The following SLC27A6 variants were observed in gnomAD, a reference collection of about 807,000 sequenced individuals.
SLC27A6 encodes long-chain fatty acid transport protein 6.
Under a neutral mutation model 63.9 loss-of-function variants are expected in SLC27A6, and 74 were observed. The observed-to-expected ratio is 1.16, with a 90% CI of 0.96 to 1.40. The LOEUF is 1.40. Among genes scored for constraint, SLC27A6 ranks in the 40% most tolerant of loss-of-function variants. The probability of loss-of-function intolerance (pLI) is 0.00; values close to 1 mark genes in which losing one functional copy is unlikely to be tolerated. For missense variants in SLC27A6, 794 were observed against 732.9 expected, an observed-to-expected ratio of 1.08 and a Z score of -0.96; for synonymous variants, 287 against 260.8, an observed-to-expected ratio of 1.10 and a Z score of -0.97.
rs1251771241 is a variant in SLC27A6 at position 129,006,191 on chromosome 5, G to A, written c.970-9694G>A. On this transcript the variant is annotated intron_variant, in intron 4 of 9. Transcript: ENST00000262462. The stretch of plus-strand genomic sequence containing the variant: ...CCTCCTCCGTTCACGCCATTCTCCC[G>A]CCTCAGCCTCCCGAGTAGCTGGCAC... 6.2e-5 allele frequency among the ~76,000 whole-genome samples: 9 copies of A among 145,582 alleles called. 1 individual carries two copies. Among genetic ancestry groups the A allele is most frequent in the East Asian group, 2.1e-4 (1 of 4,754 alleles).
In SLC27A6 at chr5:128,977,882, C is replaced by T. The variant is rs150295382; in HGVS notation, c.482-7251C>T. Among the ~76,000 whole-genome samples the T allele has an allele frequency of 3.6e-3, 548 of 152,026 alleles. 2 individuals carry two copies. Among genetic ancestry groups the T allele is most frequent in the African/African-American group, 9.9e-3 (411 of 41,464 alleles). Reference sequence around the variant, plus strand: ...CAAATTTTAAATGATATAAAAGCACCCCAACATTGTTCTGTTTGTTTTAAG... The same window carrying T: ...CAAATTTTAAATGATATAAAAGCACTCCAACATTGTTCTGTTTGTTTTAAG... On this transcript the variant is annotated intron_variant, in intron 1 of 9. Transcript: ENST00000262462.
intron 4 of SLC27A6, among the ~76,000 whole-genome samples, chr5:128,997,997 A>T (rs1381057802): frequency 6.6e-6 from 1 of 151,944 alleles, no homozygotes; most frequent in Non-Finnish European, 1.5e-5. Context: ...AACAAAATGT[A>T]GGTTGAATGC....
At chr5:128,975,826 C>T (rs1750357584) in intron 1 of SLC27A6, among the ~76,000 whole-genome samples, 1 of 152,120 alleles carries the variant, frequency 6.6e-6, no homozygotes, top group Non-Finnish European at 1.5e-5. Flanking sequence ...GCATCATTCC[C>T]TTTCAGTAAA....
At chr5:129,014,310 G>C (rs1313142306) in intron 4 of SLC27A6, among the ~76,000 whole-genome samples, 1 of 152,170 alleles carries the variant, frequency 6.6e-6, no homozygotes, top group East Asian at 1.9e-4. Flanking sequence ...AAAAGGAAAG[G>C]CTGGGGTTTT....
At chr5:128,983,564 G>A (rs568716100) in intron 1 of SLC27A6, among the ~76,000 whole-genome samples, 1 of 152,138 alleles carries the variant, frequency 6.6e-6, no homozygotes, top group East Asian at 1.9e-4. Flanking sequence ...CAAAGTGCTG[G>A]AATTACAGGC....
chr5:128,990,466 T>C lies in SLC27A6; in HGVS notation c.969+2T>C. On this transcript the variant is annotated splice_donor_variant, in intron 4 of 9. Coordinates refer to ENST00000262462, the MANE Select transcript of SLC27A6 (RefSeq NM_001017372.3). LOFTEE classifies it high-confidence loss of function. ...CGCTACCTTTGCAAACAATCTAAGGTAGGCGTAATCATTATCAGAAAAAAA... is the reference window on the plus strand; with the variant it reads ...CGCTACCTTTGCAAACAATCTAAGGCAGGCGTAATCATTATCAGAAAAAAA... 1 of 1,605,524 alleles carries C rather than the reference T, an allele frequency of 6.2e-7. No homozygotes were observed. Among genetic ancestry groups the C allele is most frequent in the African/African-American group, 1.4e-5 (1 of 73,878 alleles).
At chr5:129,002,718 A>G (rs1298281656) in intron 4 of SLC27A6, among the ~76,000 whole-genome samples, 1 of 152,208 alleles carries the variant, frequency 6.6e-6, no homozygotes, top group Non-Finnish European at 1.5e-5. Flanking sequence ...ATGAGTTCAA[A>G]TTATCTCTGT....
At chr5:129,024,881 A>G (rs948834892) in intron 6 of SLC27A6, among the ~76,000 whole-genome samples, 1 of 152,188 alleles carries the variant, frequency 6.6e-6, no homozygotes, top group Non-Finnish European at 1.5e-5. Context: ...CTAAAATAAA[A>G]AATGCAAACT....
chr5:128,967,807 A>G (rs978360999), intron 1 of SLC27A6, among the ~76,000 whole-genome samples: 2 of 152,148 alleles, frequency 1.3e-5, no homozygotes, highest in Admixed American at 6.5e-5. Context: ...ACATGTGCAC[A>G]AAGTGCAGGT....
chr5:128,977,164 G>A (rs146635603), intron 1 of SLC27A6, among the ~76,000 whole-genome samples: 1 of 152,330 alleles, frequency 6.6e-6, no homozygotes, highest in Non-Finnish European at 1.5e-5. Flanking sequence ...GTGTATCATA[G>A]TTTTTATTAT....
At chr5:128,992,469 G>A (rs1171487363) in intron 4 of SLC27A6, among the ~76,000 whole-genome samples, 1 of 152,104 alleles carries the variant, frequency 6.6e-6, no homozygotes, top group East Asian at 1.9e-4. Context: ...ACCTCCAGTC[G>A]AGCTTCTGAC....
At chr5:129,008,240 A>G (rs969601035) in intron 4 of SLC27A6, among the ~76,000 whole-genome samples, 1 of 152,100 alleles carries the variant, frequency 6.6e-6, no homozygotes, top group Non-Finnish European at 1.5e-5. Flanking sequence ...GGAAAGAAAA[A>G]TTTTTTAAAA....
chr5:128,997,044 T>G (rs953365540), intron 4 of SLC27A6, among the ~76,000 whole-genome samples: 2 of 152,152 alleles, frequency 1.3e-5, no homozygotes, highest in African/African-American at 4.8e-5. Context: ...TCTACATAAC[T>G]TCAAGTGTTT....
intron 5 of SLC27A6, among the ~76,000 whole-genome samples, chr5:129,020,282 A>G (rs1249832743): frequency 6.6e-6 from 1 of 152,202 alleles, no homozygotes; most frequent in African/African-American, 2.4e-5. Context: ...TAGGAATGCA[A>G]TATTTCTTTG....
chr5:128,965,963 G>T lies in SLC27A6; in HGVS notation c.-175G>T. The T allele has an allele frequency of 1.5e-6, 1 of 672,710 alleles. No homozygotes were observed. Among genetic ancestry groups the T allele is most frequent in the East Asian group, 3.0e-5 (1 of 33,030 alleles). 41.7% of individuals were successfully genotyped at this position (672,710 alleles called of 1,614,324 possible). ...GGCGACCTTTTCGGTGCAAACCTAC[G>T]ATTCTGTTTCTCAGGATTCCTCCCC... On this transcript the variant is annotated 5_prime_UTR_variant, in exon 1 of 10. Transcript: ENST00000262462.
chr5:129,010,966 G>T (rs1278534832), intron 4 of SLC27A6, among the ~76,000 whole-genome samples: 5 of 152,108 alleles, frequency 3.3e-5, no homozygotes, highest in Non-Finnish European at 7.4e-5. Flanking sequence ...CTAGGTTTAT[G>T]GAAATTTGTA....
intron 4 of SLC27A6, among the ~76,000 whole-genome samples, chr5:129,002,466 C>CTCTTGTTCCTTCCG (rs1751372645): frequency 1.4e-5 from 2 of 146,782 alleles, no homozygotes; most frequent in African/African-American, 5.5e-5. Flanking sequence ...TGTTCCTTCC[C>CTCTTGTTCCTTCCG]TCTCTTGTTC....
intron 4 of SLC27A6, among the ~76,000 whole-genome samples, chr5:128,994,641 G>A (rs1181676780): frequency 6.6e-6 from 1 of 152,186 alleles, no homozygotes; most frequent in Non-Finnish European, 1.5e-5. Context: ...ATAAGCCATG[G>A]TTTGAAGCCC....
intron 4 of SLC27A6, among the ~76,000 whole-genome samples, chr5:129,011,213 G>A (rs1751715588): frequency 6.6e-6 from 1 of 152,104 alleles, no homozygotes; most frequent in Admixed American, 6.5e-5. Context: ...AGCATTAGTA[G>A]ATATTGCTAA....
Sources: allele counts gnomAD v4.1 joint callset (sites outside exome capture counted in the v4.1 genomes callset), GRCh38; gene constraint gnomAD v4.1.1; transcripts MANE v1.5; gene names NCBI Gene and HGNC (gene_info 2026-07-23, HGNC 2026-07-21).